The following NFIL3 variants were observed in gnomAD, a reference collection of about 807,000 sequenced individuals.
The protein encoded by NFIL3 is nuclear factor, interleukin 3 regulated, also known as nuclear factor interleukin-3-regulated protein.
In NFIL3, 5 loss-of-function variants were observed where a neutral mutation model predicts 10.0. The observed-to-expected ratio is 0.50, with a 90% CI of 0.26 to 1.06. The LOEUF is 1.06. Among genes scored for constraint, NFIL3 ranks in the 50% least tolerant of loss-of-function variants. The pLI is 0.13. For synonymous variants in NFIL3, 202 were observed against 206.5 expected, an observed-to-expected ratio of 0.98 and a Z score of 0.19; for missense variants, 436 against 547.6, an observed-to-expected ratio of 0.80 and a Z score of 2.03.
Position 91,423,719 on chromosome 9 carries a change from G to C in NFIL3, c.-252C>G, listed in dbSNP as rs865816946. ...GCCGCCGGCGCTCGGGGCTCGGGCC[G>C]GGCCGGGCCTCCGGGGCCGCGGCGG... On this transcript the variant is annotated 5_prime_UTR_variant, in exon 1 of 2. Transcript: ENST00000297689. 0.056 allele frequency: 8,166 copies of C among 145,994 alleles called. 300 individuals are homozygous for C. The highest frequency in any genetic ancestry group is 0.13 in the Middle Eastern group (36 of 280). 9.0% of individuals were successfully genotyped at this position (145,994 alleles called of 1,614,324 possible). A position where few individuals can be genotyped will look rare whatever the true frequency, so the allele number is the denominator to read the frequency against.
chr9:91,447,545 A>T, the NFIL3 span, among the ~76,000 whole-genome samples: 6 of 152,320 alleles, frequency 3.9e-5, no homozygotes, highest in Admixed American at 3.9e-4. Context: ...GTGAAGTGAT[A>T]TCTCATTGTG....
In NFIL3 at chr9:91,409,148, C is replaced by CT. The variant is rs1300889550; in HGVS notation, c.*197dup. ...TATATACAGCCTTCGCATGGACTATCTGACTATACACAGGCAGAGTGATAA... is the reference window on the plus strand; with the variant it reads ...TATATACAGCCTTCGCATGGACTATCTTGACTATACACAGGCAGAGTGATAA... On this transcript the variant is annotated 3_prime_UTR_variant, in exon 2 of 2. Transcript: ENST00000297689. The CT allele has an allele frequency of 5.5e-6, 3 of 541,778 alleles. No individual in the cohort carries two copies. The highest frequency in any genetic ancestry group is 9.5e-6 in the Non-Finnish European group (3 of 314,652). The allele number at this position is 541,778 out of a possible 1,614,324, so 33.6% of individuals were successfully genotyped here.
chr9:91,446,725 G>A, the NFIL3 span, among the ~76,000 whole-genome samples: 5 of 152,000 alleles, frequency 3.3e-5, no homozygotes, highest in African/African-American at 9.7e-5. Flanking sequence ...GTGCTCTTGT[G>A]TCTAGCTTAT....
intron 1 of NFIL3, among the ~76,000 whole-genome samples, chr9:91,414,877 T>C (rs1309079588): frequency 6.6e-6 from 1 of 152,224 alleles, no homozygotes; most frequent in African/African-American, 2.4e-5. Flanking sequence ...ATACTTGTCT[T>C]CTAGCAAAAA....
chr9:91,414,651 T>C (rs570643244), intron 1 of NFIL3, among the ~76,000 whole-genome samples: 1 of 152,388 alleles, frequency 6.6e-6, no homozygotes, highest in African/African-American at 2.4e-5. Flanking sequence ...ATGTATTACA[T>C]TCATGGTCTC....
At chr9:91,432,171 G>C in the NFIL3 span, among the ~76,000 whole-genome samples, 1 of 152,172 alleles carries the variant, frequency 6.6e-6, no homozygotes, top group Non-Finnish European at 1.5e-5. Context: ...TGTCAGGTTA[G>C]TTCTGAGCCA....
rs760614458 is a variant in NFIL3, at chr9:91,410,597, A to T, written c.138T>A (p.Leu46=). The change falls in exon 2 of 2, where the codon CTT becomes CTA. Residue 46 remains leucine (L), a synonymous_variant. Transcript: ENST00000297689. The surrounding 1 kb of genome is among the most constrained non-coding windows in gnomAD (Gnocchi z 5.7). ...SEDSTTGEEL[L]LSEGSVGKNK... Reference sequence around the variant, plus strand: ...TCTTCCCCACACTTCCTTCACTGAGAAGCAGCTCCTCACCTGTTGTGGAGT... The same window carrying T: ...TCTTCCCCACACTTCCTTCACTGAGTAGCAGCTCCTCACCTGTTGTGGAGT... 6 of 1,614,132 alleles carry T rather than the reference A, an allele frequency of 3.7e-6. No homozygotes were observed. Among genetic ancestry groups the T allele is most frequent in the Admixed American group, 1.7e-5 (1 of 60,012 alleles).
chr9:91,430,717 C>T, the NFIL3 span, among the ~76,000 whole-genome samples: 3 of 152,134 alleles, frequency 2.0e-5, no homozygotes, highest in Non-Finnish European at 4.4e-5. Context: ...ATGATCATAG[C>T]TCACTGCAGC....
the NFIL3 span, among the ~76,000 whole-genome samples, chr9:91,462,977 C>T: frequency 1.3e-5 from 2 of 149,458 alleles, no homozygotes; most frequent in African/African-American, 4.9e-5. Flanking sequence ...AATCTGTGGC[C>T]ACAGAATTGT....
chr9:91,420,035 G>A (rs1324074846), intron 1 of NFIL3, among the ~76,000 whole-genome samples: 1 of 152,246 alleles, frequency 6.6e-6, no homozygotes, highest in East Asian at 1.9e-4. Flanking sequence ...CACAGAATGT[G>A]TAAGGGAATT....
the NFIL3 span, among the ~76,000 whole-genome samples, chr9:91,470,869 A>G: frequency 1.3e-5 from 2 of 152,208 alleles, no homozygotes; most frequent in Non-Finnish European, 2.9e-5. Context: ...GTTTGATTGC[A>G]CTGTGGTCTG....
chr9:91,464,128 C>T, the NFIL3 span, among the ~76,000 whole-genome samples: 3 of 151,938 alleles, frequency 2.0e-5, no homozygotes, highest in Non-Finnish European at 4.4e-5. Flanking sequence ...TGTACTTAGA[C>T]CATGCATGTT....
At chr9:91,482,095 G>T in the NFIL3 span, among the ~76,000 whole-genome samples, 1 of 152,052 alleles carries the variant, frequency 6.6e-6, no homozygotes, top group Non-Finnish European at 1.5e-5. Context: ...AAAGTGATCC[G>T]GCAATATCCA....
chr9:91,418,363 C>T (rs887432342), intron 1 of NFIL3, among the ~76,000 whole-genome samples: 1 of 152,188 alleles, frequency 6.6e-6, no homozygotes, highest in South Asian at 2.1e-4. Context: ...CCAACAATCA[C>T]AAAGTAACCC....
chr9:91,427,035 A>G (rs1303223767), upstream of NFIL3: 2 of 152,084 alleles, frequency 1.3e-5, no homozygotes, highest in Non-Finnish European at 2.9e-5. Context: ...TGCTGTTTCC[A>G]GGAGCCCACA....
the NFIL3 span, among the ~76,000 whole-genome samples, chr9:91,477,296 A>T: frequency 3.3e-5 from 5 of 152,162 alleles, no homozygotes; most frequent in Non-Finnish European, 5.9e-5. Flanking sequence ...AGCGACAGGG[A>T]GTCCCTCACA....
the NFIL3 span, among the ~76,000 whole-genome samples, chr9:91,463,591 C>A: frequency 6.6e-6 from 1 of 152,008 alleles, no homozygotes; most frequent in African/African-American, 2.4e-5. Context: ...CATGACCTGT[C>A]TTGGTGAATG....
intron 1 of NFIL3, among the ~76,000 whole-genome samples, chr9:91,411,899 G>A (rs945129352): frequency 4.0e-5 from 6 of 151,762 alleles, no homozygotes; most frequent in East Asian, 1.9e-4. Flanking sequence ...TCAGGAGATC[G>A]AGACCATCCT....
the NFIL3 span, among the ~76,000 whole-genome samples, chr9:91,438,102 C>A: frequency 6.6e-6 from 1 of 152,098 alleles, no homozygotes. Context: ...TTTATAATGG[C>A]TGCACCAAAC....
Sources: allele counts gnomAD v4.1 joint callset (sites outside exome capture counted in the v4.1 genomes callset), GRCh38; gene constraint gnomAD v4.1.1; non-coding constraint Gnocchi (gnomAD v3.1); transcripts MANE v1.5; gene names NCBI Gene and HGNC (gene_info 2026-07-23, HGNC 2026-07-21).